The following NBAS variants were observed in gnomAD, a reference collection of about 807,000 sequenced individuals.
NBAS encodes the protein NAG/BC035112 fusion.
A neutral mutation model predicts 302.5 loss-of-function variants in NBAS; 219 were observed. The observed-to-expected ratio is 0.72, with a 90% CI of 0.65 to 0.81. The LOEUF (loss-of-function observed/expected upper bound fraction) is 0.81, where lower values mean the gene tolerates loss of function less well. Among genes scored for constraint, NBAS ranks in the 30% least tolerant of loss-of-function variants. NBAS has a pLI of 0.00. For synonymous variants in NBAS, 1,118 were observed against 1,021.6 expected (o/e 1.09, Z -1.80); for missense variants, 2,932 against 2,841.6 (o/e 1.03, Z -0.72).
chr2:15,127,867 G>T, the NBAS span, among the ~76,000 whole-genome samples: 1 of 151,588 alleles, frequency 6.6e-6, no homozygotes, highest in Non-Finnish European at 1.5e-5. Context: ...CTGAGCCCCT[G>T]ACCCCCAACC....
intron 1 of NBAS, among the ~76,000 whole-genome samples, chr2:15,559,842 C>T (rs952542314): frequency 4.6e-5 from 7 of 152,176 alleles, no homozygotes; most frequent in African/African-American, 1.7e-4. Context: ...TGCAATTAAC[C>T]AATGAGTGTT....
the NBAS span, among the ~76,000 whole-genome samples, chr2:14,963,420 A>G: frequency 1.3e-5 from 2 of 152,220 alleles, no homozygotes; most frequent in East Asian, 1.9e-4. Context: ...CATGAAGCCT[A>G]TATTTACTAT....
At chr2:14,856,133 G>A in the NBAS span, among the ~76,000 whole-genome samples, 1 of 152,066 alleles carries the variant, frequency 6.6e-6, no homozygotes, top group Non-Finnish European at 1.5e-5. Context: ...AAAGTAAGGG[G>A]AGGGAACAAG....
chr2:15,394,276 C>A lies in NBAS; in HGVS notation c.3208G>T (p.Glu1070Ter). 1.2e-6 allele frequency: 2 copies of A among 1,612,946 alleles called. No homozygotes were observed. The highest frequency in any genetic ancestry group is 1.7e-6 in the Non-Finnish European group (2 of 1,179,356). Residue 1070 changes from glutamate to a stop codon, truncating the protein, a stop_gained, in exon 28 of 52, where the codon GAA (glutamate) becomes TAA (stop). Transcript: ENST00000281513. LOFTEE classifies it high-confidence loss of function. ...SFVKNTQSSS[E>*]EARKLMVRLT... ...CTAACCATCAGCTTGCGTGCCTCTTCTGAGCTAGATTGAGTGTTTTTAACA... is the reference window on the plus strand; with the variant it reads ...CTAACCATCAGCTTGCGTGCCTCTTATGAGCTAGATTGAGTGTTTTTAACA...
chr2:15,245,136 C>T (rs754497311), intron 44 of NBAS, among the ~76,000 whole-genome samples: 3 of 152,130 alleles, frequency 2.0e-5, no homozygotes, highest in South Asian at 2.1e-4. Context: ...GCTCCAGCCA[C>T]GCCTCTGCTC....
chr2:14,975,669 C>T, the NBAS span, among the ~76,000 whole-genome samples: 1 of 152,108 alleles, frequency 6.6e-6, no homozygotes, highest in African/African-American at 2.4e-5. Context: ...ATATCATGGG[C>T]CAGCTCTACC....
chr2:14,911,774 G>A, the NBAS span, among the ~76,000 whole-genome samples: 4 of 152,324 alleles, frequency 2.6e-5, no homozygotes, highest in East Asian at 7.7e-4. Flanking sequence ...TCCCAGCTGT[G>A]TAGCATCCTA....
chr2:15,001,505 C>T, the NBAS span, among the ~76,000 whole-genome samples: 3 of 152,072 alleles, frequency 2.0e-5, no homozygotes, highest in East Asian at 1.9e-4. Context: ...CAGGAGAAAA[C>T]CTACATACTT....
chr2:15,103,483 C>T, the NBAS span, among the ~76,000 whole-genome samples: 1 of 152,144 alleles, frequency 6.6e-6, no homozygotes, highest in Non-Finnish European at 1.5e-5. Flanking sequence ...TTGTCCTACA[C>T]TGTCCTAGGT....
At chr2:15,030,202 CA>C in the NBAS span, among the ~76,000 whole-genome samples, 1 of 151,314 alleles carries the variant, frequency 6.6e-6, no homozygotes, top group South Asian at 2.1e-4. Flanking sequence ...ATTATTTTCC[CA>C]CAAAAAAAAA....
At chr2:15,111,042 T>G in the NBAS span, among the ~76,000 whole-genome samples, 6 of 152,100 alleles carry the variant, frequency 3.9e-5, no homozygotes, top group Non-Finnish European at 7.4e-5. Context: ...CCAATATAGT[T>G]AGGATAATAA....
At chr2:15,310,595 C>T (rs1671228611) in intron 38 of NBAS, among the ~76,000 whole-genome samples, 1 of 152,104 alleles carries the variant, frequency 6.6e-6, no homozygotes. Context: ...ATTCAAAGGG[C>T]CCAAATCAAA....
intron 44 of NBAS, among the ~76,000 whole-genome samples, chr2:15,252,191 T>G (rs1668394009): frequency 6.6e-6 from 1 of 152,176 alleles, no homozygotes; most frequent in Admixed American, 6.5e-5. Flanking sequence ...CTAAGCAGAC[T>G]TTTTTTCTTT....
At chr2:15,118,079 C>G in the NBAS span, among the ~76,000 whole-genome samples, 1 of 152,340 alleles carries the variant, frequency 6.6e-6, no homozygotes, top group South Asian at 2.1e-4. Flanking sequence ...TTGTTATTGA[C>G]TTGTCCTGGT....
chr2:15,323,050 A>G (rs1312877034), intron 38 of NBAS, among the ~76,000 whole-genome samples: 3 of 152,246 alleles, frequency 2.0e-5, no homozygotes, highest in African/African-American at 7.2e-5. Context: ...ACTCCTTAGT[A>G]GACTCAGATT....
chr2:15,220,461 T>C (rs1360052200), intron 47 of NBAS, among the ~76,000 whole-genome samples: 1 of 152,206 alleles, frequency 6.6e-6, no homozygotes, highest in Non-Finnish European at 1.5e-5. Flanking sequence ...CCCCAGATGA[T>C]TAGAATTTCA....
At chr2:15,070,307 G>T in the NBAS span, among the ~76,000 whole-genome samples, 1 of 152,074 alleles carries the variant, frequency 6.6e-6, no homozygotes, top group Admixed American at 6.5e-5. Flanking sequence ...AGCTCTTTTT[G>T]TATACACAGG....
At chr2:15,558,823 C>T (rs534894503) in intron 1 of NBAS, among the ~76,000 whole-genome samples, 189 bp from the exon 2 acceptor site, 1 of 152,194 alleles carries the variant, frequency 6.6e-6, no homozygotes, top group East Asian at 1.9e-4. Flanking sequence ...AATCTCAGCA[C>T]TTTGGGATGC....
the NBAS span, among the ~76,000 whole-genome samples, chr2:15,055,070 A>T: frequency 6.6e-6 from 1 of 152,206 alleles, no homozygotes; most frequent in South Asian, 2.1e-4. Flanking sequence ...GCACTAGAAG[A>T]TAGACATTCA....
Sources: allele counts gnomAD v4.1 joint callset (sites outside exome capture counted in the v4.1 genomes callset), GRCh38; gene constraint gnomAD v4.1.1; transcripts MANE v1.5; gene names NCBI Gene and HGNC (gene_info 2026-07-23, HGNC 2026-07-21).